The following RARB variants were observed in gnomAD, a reference collection of about 807,000 sequenced individuals.
RARB encodes the protein retinoic acid receptor beta, also known as HBV-activated protein.
Under a neutral mutation model 51.9 loss-of-function variants are expected in RARB, and 17 were observed. The observed-to-expected ratio is 0.33, with a 90% CI of 0.22 to 0.49. The LOEUF (loss-of-function observed/expected upper bound fraction) is 0.49, where lower values mean the gene tolerates loss of function less well. Ranked by LOEUF, RARB falls within the 20% of genes least tolerant of loss-of-function variation. The probability of loss-of-function intolerance (pLI) is 0.99; values close to 1 mark genes in which losing one functional copy is unlikely to be tolerated. For synonymous variants in RARB, 215 were observed against 195.4 expected, an observed-to-expected ratio of 1.10 and a Z score of -0.84; for missense variants, 369 against 550.8, an observed-to-expected ratio of 0.67 and a Z score of 3.30.
At chr3:25,468,444 C>T (rs897677153) in intron 2 of RARB, among the ~76,000 whole-genome samples, 2 of 148,116 alleles carry the variant, frequency 1.4e-5, no homozygotes, top group Non-Finnish European at 1.5e-5. Context: ...AGGTAGGCTC[C>T]GTGACCCACA....
At chr3:25,556,995 A>G (rs1328783042) in intron 3 of RARB, among the ~76,000 whole-genome samples, 1 of 152,222 alleles carries the variant, frequency 6.6e-6, no homozygotes, top group African/African-American at 2.4e-5. Flanking sequence ...ACAATTCCTG[A>G]TGTGCAAGGT....
intron 4 of RARB, among the ~76,000 whole-genome samples, chr3:25,571,872 C>T (rs1376438133): frequency 6.6e-6 from 1 of 152,222 alleles, no homozygotes; most frequent in Non-Finnish European, 1.5e-5. Flanking sequence ...GAAACATCAT[C>T]CAGACACGTA....
intron 4 of RARB, among the ~76,000 whole-genome samples, chr3:25,137,451 G>T (rs1288536952): frequency 6.6e-6 from 1 of 152,006 alleles, no homozygotes; most frequent in Non-Finnish European, 1.5e-5. Context: ...CAGGTTTGGG[G>T]TTGGTTTATC....
At chr3:24,930,251 C>T (rs1695410358) in intron 2 of RARB, among the ~76,000 whole-genome samples, 3 of 152,194 alleles carry the variant, frequency 2.0e-5, no homozygotes, top group South Asian at 4.1e-4. Context: ...CCTTTGAGGG[C>T]TGCTTTTCAG....
In RARB at chr3:24,873,593, C is replaced by T. The variant is rs1402642055; in HGVS notation, c.-380+14841C>T. ...GTTTTTTTAATTCTTCAATTCCTGT[C>T]CATATTTTTATTTAGTACTTTTTTA... On this transcript the variant is annotated intron_variant, in intron 2 of 11. Coordinates refer to the RARB transcript ENST00000383772. Among the ~76,000 whole-genome samples, 5 of 151,466 alleles carry T rather than the reference C, an allele frequency of 3.3e-5. 1 individual carries two copies. Among genetic ancestry groups the T allele is most frequent in the African/African-American group, 1.2e-4 (5 of 41,380 alleles).
At chr3:25,286,248 C>G in intron 5 of RARB, among the ~76,000 whole-genome samples, 1 of 152,002 alleles carries the variant, frequency 6.6e-6, no homozygotes, top group East Asian at 1.9e-4. Context: ...GCCACCATGC[C>G]CAGCTAATTT....
upstream of RARB, among the ~76,000 whole-genome samples, chr3:25,423,785 T>C (rs867785388): frequency 1.3e-5 from 2 of 152,118 alleles, no homozygotes; most frequent in African/African-American, 2.4e-5. Context: ...CAAGATGAAA[T>C]AGCCAAAGAT....
At chr3:25,297,062 G>T (rs573071529) in intron 5 of RARB, among the ~76,000 whole-genome samples, 46 of 152,282 alleles carry the variant, frequency 3.0e-4, no homozygotes, top group Middle Eastern at 6.8e-3. Context: ...AAAGACCGAA[G>T]TCTTTTATCT....
At chr3:25,275,976 G>C (rs986228554) in intron 5 of RARB, among the ~76,000 whole-genome samples, 1 of 152,178 alleles carries the variant, frequency 6.6e-6, no homozygotes, top group African/African-American at 2.4e-5. Flanking sequence ...AGAATGAGCA[G>C]CAAGGTAAGA....
intron 1 of RARB, among the ~76,000 whole-genome samples, chr3:25,442,197 GCT>G (rs1708724365): frequency 6.6e-6 from 1 of 151,910 alleles, no homozygotes; most frequent in African/African-American, 2.4e-5. Flanking sequence ...GTGCAGTGGT[GCT>G]ATCTCGGCTC....
At chr3:24,847,801 G>A (rs1702503560) in intron 1 of RARB, among the ~76,000 whole-genome samples, 1 of 152,200 alleles carries the variant, frequency 6.6e-6, no homozygotes, top group Non-Finnish European at 1.5e-5. Context: ...GAGCTGCAGA[G>A]TCTGCATTTT....
intron 2 of RARB, among the ~76,000 whole-genome samples, chr3:25,055,898 G>A (rs1698431067): frequency 6.6e-6 from 1 of 152,110 alleles, no homozygotes; most frequent in Non-Finnish European, 1.5e-5. Flanking sequence ...CATGTTCTAA[G>A]ATGGTAAAGG....
At chr3:25,094,402 A>G (rs1699255893) in intron 3 of RARB, among the ~76,000 whole-genome samples, 1 of 152,122 alleles carries the variant, frequency 6.6e-6, no homozygotes, top group Non-Finnish European at 1.5e-5. Flanking sequence ...TGAAGAAGGT[A>G]ATATCATTCT....
At chr3:24,965,599 C>T (rs1696237799) in intron 2 of RARB, among the ~76,000 whole-genome samples, 1 of 152,140 alleles carries the variant, frequency 6.6e-6, no homozygotes, top group South Asian at 2.1e-4. Context: ...ATGACCTTCA[C>T]CAAGTTACTC....
At chr3:25,346,153 A>G (rs915716511) in intron 5 of RARB, among the ~76,000 whole-genome samples, 22 of 152,034 alleles carry the variant, frequency 1.4e-4, no homozygotes, top group African/African-American at 4.1e-4. Context: ...TTCAGATACA[A>G]CTTCCATACC....
At chr3:25,248,783 G>A (rs984988885) in intron 5 of RARB, among the ~76,000 whole-genome samples, 11 of 152,080 alleles carry the variant, frequency 7.2e-5, no homozygotes, top group African/African-American at 2.7e-4. Flanking sequence ...CTTGTAAGAT[G>A]TCTACTGCTT....
chr3:25,539,402 T>G (rs1699273800), intron 3 of RARB, among the ~76,000 whole-genome samples: 1 of 152,088 alleles, frequency 6.6e-6, no homozygotes, highest in Non-Finnish European at 1.5e-5. Flanking sequence ...ATAGGCATTG[T>G]GTCCCTTCTG....
chr3:25,317,200 T>C (rs984073641), intron 5 of RARB, among the ~76,000 whole-genome samples: 1 of 152,188 alleles, frequency 6.6e-6, no homozygotes, highest in Non-Finnish European at 1.5e-5. Flanking sequence ...GCCCGCCTTG[T>C]GTCTGGCACA....
chr3:24,838,455 A>G (rs1317833604), intron 1 of RARB, among the ~76,000 whole-genome samples: 1 of 152,196 alleles, frequency 6.6e-6, no homozygotes, highest in Non-Finnish European at 1.5e-5. Context: ...CTCTGATGAT[A>G]TGGTTGTCAA....
Sources: allele counts gnomAD v4.1 joint callset (sites outside exome capture counted in the v4.1 genomes callset), GRCh38; gene constraint gnomAD v4.1.1; transcripts MANE v1.5; gene names NCBI Gene and HGNC (gene_info 2026-07-23, HGNC 2026-07-21).